SHQ1: variants seen among roughly 807,000 people sequenced by gnomAD.
SHQ1 encodes protein SHQ1 homolog.
Under a neutral mutation model 53.8 loss-of-function variants are expected in SHQ1, and 49 were observed. The ratio of observed to expected loss-of-function variants is 0.91; its 90% CI spans 0.72 to 1.16. The LOEUF is 1.16. Among genes scored for constraint, SHQ1 ranks in the 50% most tolerant of loss-of-function variants. The pLI, the probability that SHQ1 is intolerant of heterozygous loss-of-function variation, is 0.00. For missense variants in SHQ1, 738 were observed against 683.1 expected (o/e 1.08, Z -0.90); for synonymous variants, 243 against 251.0 (o/e 0.97, Z 0.30).
intron 9 of SHQ1, 23 bp downstream of exon 9, chr3:72,812,648 T>C (rs1445672821): frequency 1.2e-6 from 2 of 1,607,690 alleles, no homozygotes. Context: ...CCTCCCAAAT[T>C]TGCAAGTACA....
chr3:72,765,082 T>C (rs1416239777), intron 10 of SHQ1, among the ~76,000 whole-genome samples: 1 of 152,206 alleles, frequency 6.6e-6, no homozygotes, highest in African/African-American at 2.4e-5. Flanking sequence ...ACTCTAATGG[T>C]TCCATTGCTC....
At chr3:72,837,754 G>C (rs1021698540) in intron 4 of SHQ1, among the ~76,000 whole-genome samples, 3 of 152,132 alleles carry the variant, frequency 2.0e-5, no homozygotes, top group Admixed American at 6.5e-5. Flanking sequence ...CATAGAATTA[G>C]GGTCATATTA....
intron 7 of SHQ1, among the ~76,000 whole-genome samples, chr3:72,816,960 T>G (rs1212134083): frequency 6.6e-6 from 1 of 152,180 alleles, no homozygotes; most frequent in Non-Finnish European, 1.5e-5. Context: ...GTAGCCTTCC[T>G]CTCTACTCTC....
intron 4 of SHQ1, among the ~76,000 whole-genome samples, chr3:72,839,721 T>C (rs149420667): frequency 0.016 from 2,467 of 152,220 alleles, 39 homozygotes; most frequent in Non-Finnish European, 0.022. Context: ...AATTCAAATA[T>C]GTCTTAAGAT....
At chr3:72,806,498 T>TTA (rs750776865) in intron 9 of SHQ1, among the ~76,000 whole-genome samples, 4 of 152,108 alleles carry the variant, frequency 2.6e-5, no homozygotes, top group Non-Finnish European at 5.9e-5. Context: ...ACACAAGGAA[T>TTA]TACAATCTCC....
chr3:72,730,832 T>C, the SHQ1 span, among the ~76,000 whole-genome samples: 3 of 151,880 alleles, frequency 2.0e-5, no homozygotes, highest in Non-Finnish European at 4.4e-5. Context: ...ATGTCTGCTT[T>C]CTGGTATATG....
chr3:72,809,831 T>A (rs1348169172), intron 9 of SHQ1: 1 of 151,924 alleles, frequency 6.6e-6, no homozygotes, highest in Non-Finnish European at 1.5e-5. Flanking sequence ...TGGTGGTGCA[T>A]GTCTGTAATC....
Position 72,822,178 on chromosome 3 carries a change from G to GT in SHQ1, c.727+2245dup, listed in dbSNP as rs1436913370. On this transcript the variant is annotated intron_variant, in intron 6 of 10. Coordinates refer to ENST00000325599, the MANE Select transcript of SHQ1 (RefSeq NM_018130.3). ...AAGTCCAACCCCAAGCCTACATTTA[G>GT]TTTATATCTTACATTTGGTATTATT... 1.9e-4 allele frequency among the ~76,000 whole-genome samples: 29 copies of GT among 152,198 alleles called. 1 individual carries two copies. The highest frequency in any genetic ancestry group is 7.3e-5 in the Non-Finnish European group (5 of 68,036).
intron 10 of SHQ1, among the ~76,000 whole-genome samples, chr3:72,778,687 C>T (rs1447248572): frequency 6.6e-6 from 1 of 151,966 alleles, no homozygotes; most frequent in Non-Finnish European, 1.5e-5. Context: ...GATAACTGAA[C>T]CCAGTAGTTC....
the SHQ1 span, among the ~76,000 whole-genome samples, chr3:72,737,295 ATAAT>A: frequency 1.3e-5 from 2 of 151,930 alleles, no homozygotes; most frequent in Non-Finnish European, 2.9e-5. Flanking sequence ...AGAAAAAATA[ATAAT>A]TAATTAATTA....
At chr3:72,820,572 G>A (rs1260972163) in intron 6 of SHQ1, among the ~76,000 whole-genome samples, 1 of 152,090 alleles carries the variant, frequency 6.6e-6, no homozygotes, top group Non-Finnish European at 1.5e-5. Flanking sequence ...GGGGAACTTG[G>A]GGGAAGTTTG....
At chr3:72,790,981 T>C (rs537720268) in intron 10 of SHQ1, among the ~76,000 whole-genome samples, 1 of 152,216 alleles carries the variant, frequency 6.6e-6, no homozygotes, top group South Asian at 2.1e-4. Context: ...TCCCACAACA[T>C]AAAACCAAGA....
intron 9 of SHQ1, chr3:72,793,776 T>G (rs1401043519): frequency 6.6e-6 from 1 of 152,114 alleles, no homozygotes; most frequent in Non-Finnish European, 1.5e-5. Flanking sequence ...TGTCAAGGAG[T>G]TATCTACTAA....
intron 10 of SHQ1, among the ~76,000 whole-genome samples, chr3:72,780,816 A>C (rs781685212): frequency 3.3e-5 from 5 of 152,190 alleles, no homozygotes; most frequent in African/African-American, 4.8e-5. Flanking sequence ...TCACAAGACT[A>C]AAATCAGGCA....
At chr3:72,800,220 T>C (rs114472725) in intron 9 of SHQ1, among the ~76,000 whole-genome samples, 2 of 152,162 alleles carry the variant, frequency 1.3e-5, no homozygotes, top group African/African-American at 4.8e-5. Context: ...CACCAGCCCC[T>C]TGATCTTGGA....
intron 10 of SHQ1, among the ~76,000 whole-genome samples, chr3:72,770,217 T>C (rs1393495139): frequency 2.0e-5 from 3 of 152,350 alleles, no homozygotes; most frequent in South Asian, 2.1e-4. Flanking sequence ...TGTTAGCTCA[T>C]CTAATTTTCC....
intron 10 of SHQ1, among the ~76,000 whole-genome samples, chr3:72,776,635 CCTT>C (rs1705962388): frequency 1.3e-5 from 2 of 151,826 alleles, no homozygotes; most frequent in Admixed American, 1.3e-4. Context: ...AATGAGTAAA[CCTT>C]TAATGGAAAA....
At chr3:72,816,906 T>C (rs1012323945) in intron 7 of SHQ1, among the ~76,000 whole-genome samples, 5 of 152,210 alleles carry the variant, frequency 3.3e-5, no homozygotes, top group Non-Finnish European at 5.9e-5. Flanking sequence ...TGAAGTGTCA[T>C]GTGACAGAGC....
intron 5 of SHQ1, 75 bp from the exon 6 acceptor site, chr3:72,824,626 C>A: frequency 6.8e-7 from 1 of 1,472,286 alleles, no homozygotes; most frequent in South Asian, 1.3e-5. Flanking sequence ...TATCTTAACT[C>A]ATATTTGTAC....
Sources: gnomAD v4.1 joint callset for allele counts (sites outside exome capture counted in the v4.1 genomes callset) on GRCh38, gnomAD v4.1.1 for gene constraint, MANE v1.5 for transcripts, NCBI Gene and HGNC (gene_info 2026-07-23, HGNC 2026-07-21) for gene names.